Variants in PIK3C2G observed in about 807,000 individuals in gnomAD.
The protein encoded by PIK3C2G is phosphatidylinositol 3-kinase C2 domain-containing subunit gamma.
In PIK3C2G, 168 loss-of-function variants were observed where a neutral mutation model predicts 181.1. The ratio of observed to expected loss-of-function variants is 0.93; its 90% CI spans 0.82 to 1.05. The LOEUF (loss-of-function observed/expected upper bound fraction) is 1.05, where lower values mean the gene tolerates loss of function less well. Among genes scored for constraint, PIK3C2G ranks in the 50% least tolerant of loss-of-function variants. The pLI, the probability that PIK3C2G is intolerant of heterozygous loss-of-function variation, is 0.00. For synonymous variants in PIK3C2G, 573 were observed against 592.2 expected (o/e 0.97, Z 0.47); for missense variants, 1,869 against 1,732.8 (o/e 1.08, Z -1.40).
chr12:18,418,226 A>G (rs1176061928), intron 16 of PIK3C2G, among the ~76,000 whole-genome samples: 5 of 152,190 alleles, frequency 3.3e-5, no homozygotes, highest in African/African-American at 1.2e-4. Context: ...ACCAGTCAAT[A>G]TCCTTGGCTT....
intron 24 of PIK3C2G, among the ~76,000 whole-genome samples, chr12:18,526,058 AT>A (rs1276869922): frequency 8.5e-5 from 13 of 152,288 alleles, no homozygotes; most frequent in Admixed American, 2.6e-4. Context: ...ATTACCACTG[AT>A]TTTTTTAAAA....
intron 24 of PIK3C2G, among the ~76,000 whole-genome samples, chr12:18,534,412 A>G (rs750151827): frequency 1.6e-4 from 24 of 152,158 alleles, no homozygotes; most frequent in Non-Finnish European, 3.1e-4. Context: ...TGCATTTAAA[A>G]ATAATAATAA....
chr12:18,298,118 G>A (rs940570401), intron 5 of PIK3C2G, among the ~76,000 whole-genome samples: 1 of 151,814 alleles, frequency 6.6e-6, no homozygotes, highest in Non-Finnish European at 1.5e-5. Flanking sequence ...TTCCATAATG[G>A]TTGTAGTAAT....
intron 18 of PIK3C2G, among the ~76,000 whole-genome samples, chr12:18,427,500 TA>T (rs59178829): frequency 0.016 from 1,826 of 114,832 alleles, 25 homozygotes; most frequent in African/African-American, 0.042. Flanking sequence ...GAGACTCCAT[TA>T]AAAAAAAAAA....
intron 5 of PIK3C2G, among the ~76,000 whole-genome samples, chr12:18,304,490 C>T (rs1231461254): frequency 6.6e-6 from 1 of 152,202 alleles, no homozygotes; most frequent in Non-Finnish European, 1.5e-5. Flanking sequence ...TGCCTGACCT[C>T]TAGTGATCAA....
chr12:18,463,200 T>C (rs1050054252), intron 18 of PIK3C2G, among the ~76,000 whole-genome samples: 1 of 152,204 alleles, frequency 6.6e-6, no homozygotes, highest in Non-Finnish European at 1.5e-5. Context: ...TCATGGTATA[T>C]CCTACGTACC....
chr12:18,261,325 T>C (rs138545025), upstream of PIK3C2G, among the ~76,000 whole-genome samples: 21 of 152,318 alleles, frequency 1.4e-4, no homozygotes, highest in Middle Eastern at 3.4e-3. Flanking sequence ...AGCTCATTTA[T>C]GGTTGGGTTT....
the PIK3C2G span, among the ~76,000 whole-genome samples, chr12:18,672,268 C>G: frequency 1.2e-4 from 18 of 152,216 alleles, no homozygotes; most frequent in East Asian, 3.5e-3. Flanking sequence ...CTGTCTTATT[C>G]TAACTTAATT....
chr12:18,292,036 C>T (rs1375137598), intron 4 of PIK3C2G, among the ~76,000 whole-genome samples: 1 of 150,412 alleles, frequency 6.6e-6, no homozygotes, highest in Non-Finnish European at 1.5e-5. Flanking sequence ...TGGAGAAACC[C>T]CATCTCTACT....
chr12:18,607,732 A>C (rs951987940), intron 30 of PIK3C2G, among the ~76,000 whole-genome samples: 20 of 152,052 alleles, frequency 1.3e-4, no homozygotes, highest in Non-Finnish European at 2.4e-4. Flanking sequence ...TTCTGCACAG[A>C]AAAAGAAACT....
chr12:18,500,669 C>T (rs764763972), intron 22 of PIK3C2G, among the ~76,000 whole-genome samples: 10 of 152,186 alleles, frequency 6.6e-5, no homozygotes, highest in East Asian at 1.9e-4. Context: ...CACCAATCAG[C>T]GCCGTGTCAA....
chr12:18,462,556 A>T (rs1471989090), intron 18 of PIK3C2G, among the ~76,000 whole-genome samples: 4 of 152,084 alleles, frequency 2.6e-5, no homozygotes. Flanking sequence ...CTATTGACAG[A>T]AGGTAACTCA....
At position 18,505,320 on chromosome 12, in the gene PIK3C2G, C is replaced by T. The variant is rs1941749746; in HGVS notation, c.3182C>T (p.Ala1061Val). 6.2e-7 allele frequency: 1 copy of T among 1,609,372 alleles called. No homozygotes were observed. Among genetic ancestry groups the T allele is most frequent in the Non-Finnish European group, 8.5e-7 (1 of 1,177,420 alleles). The part of the protein sequence containing the change: ...KALRNFFYSC[A>V]GWCVVTFILG... ...TTGAGGAACTTTTTCTACTCCTGTG[C>T]TGGCTGGTGTGTGGTAACATTCATC... Residue 1061 changes from alanine (A) to valine (V), a missense_variant, in exon 24 of 33, where the codon GCT becomes GTT. Ala to Val is a moderately conservative substitution (Grantham distance 64). Transcript: ENST00000538779.
chr12:18,301,090 G>A (rs911255328), intron 5 of PIK3C2G, among the ~76,000 whole-genome samples: 5 of 152,188 alleles, frequency 3.3e-5, no homozygotes, highest in Non-Finnish European at 7.4e-5. Context: ...GGCTGATGGC[G>A]ATTTCCTTCC....
At chr12:18,434,870 A>G (rs758417629) in intron 18 of PIK3C2G, among the ~76,000 whole-genome samples, 7 of 152,208 alleles carry the variant, frequency 4.6e-5, no homozygotes, top group Non-Finnish European at 1.0e-4. Flanking sequence ...ATTACTAGCT[A>G]ACTACTCCAG....
chr12:18,472,471 A>C (rs1592346273), intron 18 of PIK3C2G, among the ~76,000 whole-genome samples: 1 of 151,982 alleles, frequency 6.6e-6, no homozygotes, highest in African/African-American at 2.4e-5. Flanking sequence ...CCTACTCCCA[A>C]CTATAATGTA....
chr12:18,658,039 T>C, the PIK3C2G span, among the ~76,000 whole-genome samples: 2 of 152,058 alleles, frequency 1.3e-5, no homozygotes, highest in Non-Finnish European at 2.9e-5. Flanking sequence ...ATTAAAAAAT[T>C]ATAACAACTG....
In PIK3C2G at chr12:18,290,987, A is replaced by G. The variant is rs1278094729; in HGVS notation, c.894A>G (p.Thr298=). 6.2e-7 allele frequency: 1 copy of G among 1,602,076 alleles called. No homozygotes were observed. Among genetic ancestry groups the G allele is most frequent in the Middle Eastern group, 1.7e-4 (1 of 6,046 alleles). The change falls in exon 4 of 33, where the codon ACA becomes ACG. Residue 298 remains threonine (T), a synonymous_variant. Transcript: ENST00000538779. ...FNIHIFIDNS[T]QPLHFMPCAN... ...TACATATTTTTATTGATAACTCAAC[A>G]CAACCTCTTCATTTTATGCCATGTG...
At chr12:18,431,705 T>C (rs1028464731) in intron 18 of PIK3C2G, among the ~76,000 whole-genome samples, 2 of 152,232 alleles carry the variant, frequency 1.3e-5, no homozygotes, top group South Asian at 4.1e-4. Context: ...CTCAGCCCTT[T>C]ACCTTTGAGA....
Sources: gnomAD v4.1 joint callset for allele counts (sites outside exome capture counted in the v4.1 genomes callset) on GRCh38, gnomAD v4.1.1 for gene constraint, MANE v1.5 for transcripts, NCBI Gene and HGNC (gene_info 2026-07-23, HGNC 2026-07-21) for gene names.